DPP10: variants seen among roughly 807,000 people sequenced by gnomAD.
DPP10 encodes the protein dipeptidyl peptidase like 10.
In DPP10, 33 loss-of-function variants were observed where a neutral mutation model predicts 120.9. That is an observed-to-expected ratio of 0.27 (90% CI 0.21 to 0.37). The LOEUF (loss-of-function observed/expected upper bound fraction) is 0.37. Among genes scored for constraint, DPP10 ranks in the 10% least tolerant of loss-of-function variants. DPP10 has a pLI of 1.00. For synonymous variants in DPP10, 337 were observed against 326.1 expected, an observed-to-expected ratio of 1.03 and a Z score of -0.36; for missense variants, 816 against 942.8, an observed-to-expected ratio of 0.87 and a Z score of 1.76.
chr2:115,802,320 C>T (rs1157619226), intron 19 of DPP10, among the ~76,000 whole-genome samples: 3 of 152,072 alleles, frequency 2.0e-5, no homozygotes, highest in South Asian at 2.1e-4. Context: ...TGATTCTTCT[C>T]TCTTTTCTTC....
At chr2:115,462,920 T>G (rs1460332780) in intron 3 of DPP10, among the ~76,000 whole-genome samples, 1 of 152,082 alleles carries the variant, frequency 6.6e-6, no homozygotes, top group Admixed American at 6.6e-5. Context: ...TTAGTAGAGT[T>G]GGGGTTTTGT....
At position 114,820,224 on chromosome 2, in the gene DPP10, A is replaced by G. The variant is rs140737461; in HGVS notation, c.60+377386A>G. On this transcript the variant is annotated intron_variant, in intron 1 of 25. Coordinates refer to ENST00000410059, the MANE Select transcript of DPP10 (RefSeq NM_020868.6). ...TGTAACCTCAACAACATCTCATGAG[A>G]TAATATTATTATCACCATTTTACAG... Among the ~76,000 whole-genome samples the G allele has an allele frequency of 4.2e-4, 64 of 152,318 alleles. No individual in the cohort carries two copies. In the East Asian group the frequency reaches 0.012, roughly 29 times the overall value.
intron 1 of DPP10, among the ~76,000 whole-genome samples, chr2:114,501,043 C>T (rs912148358): frequency 6.6e-6 from 1 of 152,188 alleles, no homozygotes; most frequent in African/African-American, 2.4e-5. Flanking sequence ...CAAAGATGAG[C>T]AGTCACTTAA....
chr2:114,763,624 T>C (rs1415805840), intron 1 of DPP10, among the ~76,000 whole-genome samples: 4 of 152,144 alleles, frequency 2.6e-5, no homozygotes, highest in Middle Eastern at 3.2e-3. Flanking sequence ...GATAATAAGT[T>C]CCAATTGGAA....
intron 1 of DPP10, among the ~76,000 whole-genome samples, chr2:115,063,694 T>C (rs1176782089): frequency 6.6e-6 from 1 of 152,208 alleles, no homozygotes; most frequent in Non-Finnish European, 1.5e-5. Flanking sequence ...TAAATGGTGC[T>C]GGGAGAACTG....
chr2:114,735,255 C>G (rs1677306942), intron 1 of DPP10, among the ~76,000 whole-genome samples: 1 of 152,146 alleles, frequency 6.6e-6, no homozygotes, highest in African/African-American at 2.4e-5. Context: ...AGAAAAAGAG[C>G]TCTGGCCTAG....
At chr2:115,573,097 A>G (rs1364458632) in intron 5 of DPP10, among the ~76,000 whole-genome samples, 1 of 152,156 alleles carries the variant, frequency 6.6e-6, no homozygotes, top group Non-Finnish European at 1.5e-5. Context: ...TAGCATGATG[A>G]AATAATATGC....
At chr2:115,269,339 C>G (rs929365127) in intron 1 of DPP10, among the ~76,000 whole-genome samples, 3 of 152,160 alleles carry the variant, frequency 2.0e-5, no homozygotes, top group African/African-American at 7.2e-5. Context: ...TATTTGTTAT[C>G]TATTGCTCCA....
At chr2:115,520,794 A>C (rs1189609349) in intron 4 of DPP10, among the ~76,000 whole-genome samples, 1 of 152,200 alleles carries the variant, frequency 6.6e-6, no homozygotes, top group African/African-American at 2.4e-5. Context: ...ATTTCTTGCT[A>C]TGATCTTTAA....
chr2:115,298,609 C>T (rs1323278502), intron 1 of DPP10, among the ~76,000 whole-genome samples: 1 of 151,976 alleles, frequency 6.6e-6, no homozygotes, highest in African/African-American at 2.4e-5. Context: ...TTTATATAAA[C>T]TCAGGGGTGA....
At chr2:114,658,673 T>A (rs1483620408) in intron 1 of DPP10, among the ~76,000 whole-genome samples, 1 of 152,202 alleles carries the variant, frequency 6.6e-6, no homozygotes, top group Non-Finnish European at 1.5e-5. Flanking sequence ...AGTGAAAATA[T>A]ATGCAGACGT....
chr2:114,525,884 T>C (rs1003427282), intron 1 of DPP10, among the ~76,000 whole-genome samples: 1 of 152,194 alleles, frequency 6.6e-6, no homozygotes, highest in African/African-American at 2.4e-5. Flanking sequence ...GAAGCATTAC[T>C]CCACATTGGC....
chr2:114,826,382 T>G (rs1686535252), intron 1 of DPP10, among the ~76,000 whole-genome samples: 1 of 152,152 alleles, frequency 6.6e-6, no homozygotes, highest in Non-Finnish European at 1.5e-5. Flanking sequence ...TAGTAATACC[T>G]TTTCCTCACC....
At chr2:115,053,576 C>T (rs1705674018) in intron 1 of DPP10, among the ~76,000 whole-genome samples, 1 of 152,096 alleles carries the variant, frequency 6.6e-6, no homozygotes. Context: ...TTACTAAAGA[C>T]CACTGAATTT....
At chr2:115,799,324 A>C (rs1684898447) in intron 19 of DPP10, among the ~76,000 whole-genome samples, 1 of 152,098 alleles carries the variant, frequency 6.6e-6, no homozygotes, top group Non-Finnish European at 1.5e-5. Context: ...ATATTGATAC[A>C]TATATGTTAA....
At chr2:114,946,560 A>C (rs1218148838) in intron 1 of DPP10, among the ~76,000 whole-genome samples, 5 of 152,090 alleles carry the variant, frequency 3.3e-5, no homozygotes, top group Admixed American at 1.3e-4. Flanking sequence ...CTATTCATGT[A>C]ATGTTTCTCT....
intron 12 of DPP10, among the ~76,000 whole-genome samples, chr2:115,763,255 C>T (rs767512035): frequency 3.9e-5 from 6 of 152,014 alleles, no homozygotes; most frequent in Non-Finnish European, 7.4e-5. Flanking sequence ...TTCTTTAAAG[C>T]CCTCTTTTAT....
chr2:115,400,523 T>C (rs2067995933), intron 3 of DPP10, among the ~76,000 whole-genome samples: 1 of 151,980 alleles, frequency 6.6e-6, no homozygotes, highest in Admixed American at 6.6e-5. Context: ...AATACCCTTA[T>C]ACCCACCATA....
chr2:115,007,393 C>G (rs1301539958), intron 1 of DPP10, among the ~76,000 whole-genome samples: 3 of 152,150 alleles, frequency 2.0e-5, no homozygotes, highest in Non-Finnish European at 4.4e-5. Context: ...GCTAAAAACT[C>G]TCAATAAATT....
Sources: allele counts gnomAD v4.1 joint callset (sites outside exome capture counted in the v4.1 genomes callset), GRCh38; gene constraint gnomAD v4.1.1; transcripts MANE v1.5; gene names NCBI Gene and HGNC (gene_info 2026-07-23, HGNC 2026-07-21).